GARIN1A: variants seen among roughly 807,000 people sequenced by gnomAD.
GARIN1A encodes golgi associated RAB2 interactor 1A.
At chr7:128,693,654 A>C in the GARIN1A span, 1 of 152,454 alleles carries the variant, frequency 6.6e-6, no homozygotes, top group African/African-American at 2.4e-5. Flanking sequence ...TGGTGCCCAC[A>C]CATGGCTTGC....
the GARIN1A span, among the ~76,000 whole-genome samples, chr7:128,691,985 G>A: frequency 4.6e-5 from 7 of 152,204 alleles, no homozygotes; most frequent in Admixed American, 4.6e-4. Flanking sequence ...CCACCATCCT[G>A]GCCAGGCAGT....
the GARIN1A span, among the ~76,000 whole-genome samples, chr7:128,698,877 G>A: frequency 1.3e-5 from 2 of 152,178 alleles, no homozygotes; most frequent in East Asian, 1.9e-4. Context: ...GTGAGCCACC[G>A]CGCCCGGCCA....
At chr7:128,693,483 C>A in the GARIN1A span, 1 of 192,940 alleles carries the variant, frequency 5.2e-6, no homozygotes. Flanking sequence ...TGAGCAGAAG[C>A]TGCTGGAGCA....
At chr7:128,675,487 C>T in the GARIN1A span, among the ~76,000 whole-genome samples, 13 of 152,208 alleles carry the variant, frequency 8.5e-5, no homozygotes, top group Admixed American at 8.5e-4. Context: ...AAGAATGACA[C>T]AGGGTTCCTG....
chr7:128,687,361 T>A, the GARIN1A span: 2 of 152,206 alleles, frequency 1.3e-5, no homozygotes, highest in Non-Finnish European at 2.9e-5. Flanking sequence ...AAGGAATTCA[T>A]TGGACGGATG....
chr7:128,677,773 G>T, the GARIN1A span: 4 of 1,613,806 alleles, frequency 2.5e-6, 1 homozygote. Flanking sequence ...TTCACTCACT[G>T]CCTGGTGCCC....
At chr7:128,678,408 A>G in the GARIN1A span, among the ~76,000 whole-genome samples, 1 of 152,226 alleles carries the variant, frequency 6.6e-6, no homozygotes, top group East Asian at 1.9e-4. Context: ...TTAGGTTTTT[A>G]GAAGTAGAAT....
At chr7:128,701,020 G>C in the GARIN1A span, among the ~76,000 whole-genome samples, 1 of 152,086 alleles carries the variant, frequency 6.6e-6, no homozygotes, top group Non-Finnish European at 1.5e-5. Flanking sequence ...GGAACCAACT[G>C]ATAGGAAATG....
chr7:128,675,860 G>A, the GARIN1A span: 13 of 1,555,362 alleles, frequency 8.4e-6, no homozygotes, highest in Non-Finnish European at 1.2e-5. Context: ...ACCTCAGCAG[G>A]TAAAGGCTTG....
At chr7:128,708,769 T>C in the GARIN1A span, among the ~76,000 whole-genome samples, 2 of 152,234 alleles carry the variant, frequency 1.3e-5, no homozygotes, top group Non-Finnish European at 2.9e-5. Context: ...GTTAATCTTT[T>C]GTTTTTTAAA....
chr7:128,702,378 C>T, the GARIN1A span, among the ~76,000 whole-genome samples: 1 of 151,996 alleles, frequency 6.6e-6, no homozygotes, highest in Non-Finnish European at 1.5e-5. Flanking sequence ...TCAGAAAAGA[C>T]AGGAGGGAGA....
At chr7:128,675,837 G>A in the GARIN1A span, 59 of 1,612,700 alleles carry the variant, frequency 3.7e-5, no homozygotes, top group Non-Finnish European at 4.5e-5. Flanking sequence ...ACCTGGTGAC[G>A]CCCCAGTCAT....
At chr7:128,677,738 C>T in the GARIN1A span, 1 of 1,613,826 alleles carries the variant, frequency 6.2e-7, no homozygotes, top group Non-Finnish European at 8.5e-7. Flanking sequence ...GCCTGTCCAT[C>T]ACCACCAAAG....
At chr7:128,692,871 A>G in the GARIN1A span, among the ~76,000 whole-genome samples, 1 of 152,214 alleles carries the variant, frequency 6.6e-6, no homozygotes, top group African/African-American at 2.4e-5. Flanking sequence ...AGAGAAAACA[A>G]AACACAAGGG....
the GARIN1A span, among the ~76,000 whole-genome samples, chr7:128,681,554 T>C: frequency 6.7e-6 from 1 of 149,134 alleles, no homozygotes; most frequent in Admixed American, 6.8e-5. Flanking sequence ...CAGGCTGGAG[T>C]GCAGTGCCAT....
the GARIN1A span, among the ~76,000 whole-genome samples, chr7:128,705,669 T>G: frequency 7.2e-6 from 1 of 138,362 alleles, no homozygotes; most frequent in African/African-American, 2.7e-5. Context: ...TTTTTTTTTT[T>G]TTTTTTTTTT....
chr7:128,697,988 T>C, the GARIN1A span, among the ~76,000 whole-genome samples: 10 of 152,254 alleles, frequency 6.6e-5, no homozygotes, highest in African/African-American at 2.4e-4. Context: ...TTCTATTTCA[T>C]GGCTTCGAAT....
At chr7:128,690,964 T>C in the GARIN1A span, 1 of 152,162 alleles carries the variant, frequency 6.6e-6, no homozygotes, top group Non-Finnish European at 1.5e-5. Context: ...CTTACGCTTA[T>C]GGCAAAGTTT....
the GARIN1A span, chr7:128,680,101 G>A: frequency 6.3e-7 from 1 of 1,579,256 alleles, no homozygotes; most frequent in Non-Finnish European, 8.6e-7. Context: ...GAGCAGACCA[G>A]TGGCAGTTTC....
Sources: gnomAD v4.1 joint callset for allele counts (sites outside exome capture counted in the v4.1 genomes callset) on GRCh38, gnomAD v4.1.1 for gene constraint, MANE v1.5 for transcripts, NCBI Gene and HGNC (gene_info 2026-07-23, HGNC 2026-07-21) for gene names.